INTS3: variants seen among roughly 807,000 people sequenced by gnomAD.
The protein encoded by INTS3 is integrator complex subunit 3.
INTS3 carries 34 observed loss-of-function variants against 146.3 expected under a neutral mutation model. The ratio of observed to expected loss-of-function variants is 0.23; its 90% CI spans 0.18 to 0.31. INTS3 has a LOEUF of 0.31. Among genes scored for constraint, INTS3 ranks in the 10% least tolerant of loss-of-function variants. The pLI, the probability that INTS3 is intolerant of heterozygous loss-of-function variation, is 1.00. For missense variants in INTS3, 757 were observed against 1,304.2 expected (o/e 0.58, Z 6.46); for synonymous variants, 475 against 494.9 (o/e 0.96, Z 0.53).
At position 153,770,286 on chromosome 1, in the gene INTS3, C is replaced by G; in HGVS notation, c.2478C>G (p.Pro826=). Reference sequence around the variant, plus strand: ...ATATTCCCCTGGAGACCATAATCCCCATCCTGCAGCACCTCAAATACAAGG... The same window carrying G: ...ATATTCCCCTGGAGACCATAATCCCGATCCTGCAGCACCTCAAATACAAGG... The part of the protein sequence containing the change: ...AHNIPLETII[P]ILQHLKYKEH... Residue 826 remains proline (P), a synonymous_variant, in exon 24 of 30, where the codon CCC becomes CCG. Coordinates refer to ENST00000318967, the MANE Select transcript of INTS3 (RefSeq NM_023015.5). 6.2e-7 allele frequency: 1 copy of G among 1,610,662 alleles called. No homozygotes were observed. The highest frequency in any genetic ancestry group is 8.5e-7 in the Non-Finnish European group (1 of 1,176,840).
At chr1:153,733,733 T>TA (rs767254755) in intron 1 of INTS3, among the ~76,000 whole-genome samples, 1 of 151,666 alleles carries the variant, frequency 6.6e-6, no homozygotes. Flanking sequence ...GCCTCCCGAG[T>TA]AGCTGGGACT....
intron 1 of INTS3, among the ~76,000 whole-genome samples, chr1:153,731,901 CTTTTTTTTTTTTT>C (rs34353204): frequency 1.5e-5 from 1 of 65,280 alleles, no homozygotes; most frequent in Non-Finnish European, 2.6e-5. Flanking sequence ...CTTTTTTTAA[CTTTTTTTTTTTTT>C]TTTTTTTTTT....
Position 153,755,980 on chromosome 1 carries a change from C to T in INTS3, c.957+1241C>T, listed in dbSNP as rs542318516. ...ACTTGAACCCAGGAGGCAGAGGTTG[C>T]GATAAGCCAAGATTGCGCCACTGCA... On this transcript the variant is annotated intron_variant, in intron 9 of 29. Transcript: ENST00000318967. 4.0e-5 allele frequency among the ~76,000 whole-genome samples: 6 copies of T among 151,700 alleles called. No individual in the cohort carries two copies. In the East Asian group the frequency reaches 1.2e-3, roughly 30 times the overall value.
chr1:153,757,823 C>T lies in INTS3; in HGVS notation c.1149+60C>T. ...CTCTTCCATGGTGTTCCCATGTTTC[C>T]ATTCTTCTTCCTGACTCCAGGGCCA... On this transcript the variant is annotated intron_variant, in intron 10 of 29. Coordinates refer to ENST00000318967, the MANE Select transcript of INTS3 (RefSeq NM_023015.5). The surrounding 1 kb of genome is among the most constrained non-coding windows in gnomAD (Gnocchi z 4.0). 1.4e-6 allele frequency: 2 copies of T among 1,464,872 alleles called. No individual in the cohort carries two copies. The highest frequency in any genetic ancestry group is 2.8e-5 in the African/African-American group (2 of 72,030). The allele number at this position is 1,464,872 out of a possible 1,614,324, so 90.7% of individuals were successfully genotyped here. A position where few individuals can be genotyped will look rare whatever the true frequency, so the allele number is the denominator to read the frequency against.
At chr1:153,748,598 T>G in intron 5 of INTS3, 91 bp from the exon 6 acceptor site, 1 of 1,011,068 alleles carries the variant, frequency 9.9e-7, no homozygotes, top group Non-Finnish European at 1.6e-6. Flanking sequence ...GGGATGGCAG[T>G]CAGGGTGGAC....
At chr1:153,747,714 T>C in intron 5 of INTS3, 1 of 300,748 alleles carries the variant, frequency 3.3e-6, no homozygotes, top group Non-Finnish European at 6.4e-6. Flanking sequence ...CTCAAGTCCC[T>C]GTGCTTTCAG....
intron 23 of INTS3, 129 bp from the exon 24 acceptor site, chr1:153,770,069 G>GCGC: frequency 1.0e-5 from 4 of 397,454 alleles, no homozygotes; most frequent in African/African-American, 1.4e-4. Flanking sequence ...GTGTGTGTGT[G>GCGC]TGTGTGTGTG....
intron 16 of INTS3, 89 bp from the exon 17 acceptor site, chr1:153,763,743 T>G: frequency 1.8e-6 from 2 of 1,106,800 alleles, no homozygotes; most frequent in South Asian, 1.3e-5. Context: ...TCTGTGCATG[T>G]GAGTGTGCTT....
chr1:153,755,089 A>G (rs910128711), intron 9 of INTS3, among the ~76,000 whole-genome samples: 2 of 152,234 alleles, frequency 1.3e-5, no homozygotes, highest in African/African-American at 4.8e-5. Context: ...TGTTCACGCT[A>G]AGAAACCCAC....
At chr1:153,733,316 G>A (rs972794372) in intron 1 of INTS3, among the ~76,000 whole-genome samples, 5 of 131,574 alleles carry the variant, frequency 3.8e-5, no homozygotes, top group East Asian at 4.9e-4. Flanking sequence ...GGGTTCAAGC[G>A]ATTCTCCTGC....
chr1:153,748,432 C>G, intron 5 of INTS3: 1 of 511,670 alleles, frequency 2.0e-6, no homozygotes, highest in South Asian at 2.1e-5. Flanking sequence ...CCAAAATGTT[C>G]CCACTCCAAC....
At chr1:153,739,767 C>T (rs1173468628) in intron 1 of INTS3, among the ~76,000 whole-genome samples, 1 of 152,056 alleles carries the variant, frequency 6.6e-6, no homozygotes, top group East Asian at 1.9e-4. Flanking sequence ...CTGCATCTGG[C>T]CTAAGTCCCT....
At chr1:153,754,435 G>C (rs772513322) in intron 8 of INTS3, among the ~76,000 whole-genome samples, 21 of 152,174 alleles carry the variant, frequency 1.4e-4, no homozygotes, top group Admixed American at 2.0e-4. Context: ...ATATAGCTGG[G>C]TCCTGGGGAT....
chr1:153,728,101 A>T lies in INTS3; in HGVS notation c.-534A>T. On this transcript the variant is annotated 5_prime_UTR_variant, in exon 1 of 30. Coordinates refer to ENST00000318967, the MANE Select transcript of INTS3 (RefSeq NM_023015.5). ...ATGGCCGCTTCTGTGTGGTGTGGGG[A>T]GACGCTGGTCCTCCCCGTCCTCCCA... The T allele has an allele frequency of 7.8e-6, 2 of 255,090 alleles. No homozygotes were observed. The highest frequency in any genetic ancestry group is 1.4e-5 in the Non-Finnish European group (2 of 144,236). 15.8% of individuals were successfully genotyped at this position (255,090 alleles called of 1,614,324 possible).
At chr1:153,742,210 G>A (rs144597879) in intron 3 of INTS3, among the ~76,000 whole-genome samples, 5 of 152,316 alleles carry the variant, frequency 3.3e-5, no homozygotes, top group African/African-American at 1.2e-4. Flanking sequence ...GGTGGGCAGT[G>A]AGGCAGCAAG....
At chr1:153,764,875 T>C in intron 19 of INTS3, 69 bp from the exon 20 acceptor site, 1 of 1,603,750 alleles carries the variant, frequency 6.2e-7, no homozygotes, top group Non-Finnish European at 8.5e-7. Context: ...CCATGCCACC[T>C]GAGAAACTCC....
chr1:153,755,868 G>A (rs1252040934), intron 9 of INTS3, among the ~76,000 whole-genome samples: 3 of 152,012 alleles, frequency 2.0e-5, no homozygotes, highest in Non-Finnish European at 2.9e-5. Flanking sequence ...GTGAAACCCC[G>A]TCTCTACTAA....
Position 153,760,232 on chromosome 1 carries a change from C to CAAAA in INTS3, c.1238-56_1238-53dup, listed in dbSNP as rs58951043. The CAAAA allele has an allele frequency of 1.9e-3, 750 of 394,844 alleles. 3 individuals are homozygous for CAAAA. The highest frequency in any genetic ancestry group is 3.2e-3 in the South Asian group (142 of 44,514). The allele number at this position is 394,844 out of a possible 1,614,324, so 24.5% of individuals were successfully genotyped here. A position where few individuals can be genotyped will look rare whatever the true frequency, so the allele number is the denominator to read the frequency against. On this transcript the variant is annotated intron_variant, in intron 11 of 29. Transcript: ENST00000318967. ...TGGGTGACAGAGCAAGACTCTGTTT[C>CAAAA]AAAAAAAAAAAAAAAAAAAAAAAAA...
chr1:153,771,767 C>A (rs757617033), intron 25 of INTS3, 29 bp from the exon 26 acceptor site: 1 of 1,596,816 alleles, frequency 6.3e-7, no homozygotes, highest in South Asian at 1.1e-5. Flanking sequence ...ACTGTGCAAG[C>A]AGCACCCAGT....
Sources: gnomAD v4.1 joint callset for allele counts (sites outside exome capture counted in the v4.1 genomes callset) on GRCh38, gnomAD v4.1.1 for gene constraint, Gnocchi (gnomAD v3.1) non-coding constraint, MANE v1.5 for transcripts, NCBI Gene and HGNC (gene_info 2026-07-23, HGNC 2026-07-21) for gene names.